Variants in RAB5C observed in about 807,000 individuals in gnomAD.
RAB5C encodes RAB5C, member RAS oncogene family.
A neutral mutation model predicts 25.2 loss-of-function variants in RAB5C; 4 were observed. The ratio of observed to expected loss-of-function variants is 0.16; its 90% CI spans 0.08 to 0.36. The LOEUF (loss-of-function observed/expected upper bound fraction) is 0.36. RAB5C is among the 10% of genes least tolerant of loss of function. The pLI is 1.00. For missense variants in RAB5C, 199 were observed against 283.8 expected, an observed-to-expected ratio of 0.70 and a Z score of 2.15; for synonymous variants, 100 against 106.4, an observed-to-expected ratio of 0.94 and a Z score of 0.37.
rs564989726 is a variant in RAB5C, at chr17:42,125,463, T to C, written c.*320A>G. The C allele has an allele frequency of 2.9e-5, 8 of 279,862 alleles. No individual in the cohort carries two copies. Among genetic ancestry groups the C allele is most frequent in the South Asian group, 1.9e-4 (4 of 21,606 alleles). The allele number at this position is 279,862 out of a possible 1,614,324, so 17.3% of individuals were successfully genotyped here. ...ACCCCACTGTCCCCATATACAAGGGTTGGGGGGCAAGAGCATGTGGCTACT... is the reference window on the plus strand; with the variant it reads ...ACCCCACTGTCCCCATATACAAGGGCTGGGGGGCAAGAGCATGTGGCTACT... On this transcript the variant is annotated 3_prime_UTR_variant, in exon 6 of 6. Transcript: ENST00000346213.
At chr17:42,134,874 G>A (rs1040065377) in intron 1 of RAB5C, among the ~76,000 whole-genome samples, 1 of 152,218 alleles carries the variant, frequency 6.6e-6, no homozygotes, top group African/African-American at 2.4e-5. Flanking sequence ...GCCAAGGATG[G>A]AAGAGAAAGA....
At chr17:42,140,108 T>G (rs978071175) in intron 1 of RAB5C, among the ~76,000 whole-genome samples, 1 of 152,142 alleles carries the variant, frequency 6.6e-6, no homozygotes, top group African/African-American at 2.4e-5. Flanking sequence ...GCTGCTTCCC[T>G]AGGCCCAGAA....
chr17:42,141,793 T>C (rs979074639), intron 1 of RAB5C, among the ~76,000 whole-genome samples: 4 of 152,156 alleles, frequency 2.6e-5, no homozygotes, highest in Non-Finnish European at 5.9e-5. Context: ...AGATGATGCA[T>C]GTGAGACTCT....
intron 3 of RAB5C, 68 bp from the exon 4 acceptor site, chr17:42,128,451 A>G (rs1196619777): frequency 1.3e-6 from 2 of 1,531,050 alleles, no homozygotes; most frequent in Non-Finnish European, 1.8e-6. Flanking sequence ...CCCATTAGAG[A>G]CTCTCAAGCT....
At chr17:42,150,635 C>G (rs2079664909) in intron 1 of RAB5C, among the ~76,000 whole-genome samples, 1 of 141,464 alleles carries the variant, frequency 7.1e-6, no homozygotes, top group South Asian at 2.3e-4. Context: ...ATGAGGCGGG[C>G]AGATCACCTC....
chr17:42,135,460 G>A (rs2054527697), intron 1 of RAB5C, among the ~76,000 whole-genome samples: 1 of 151,968 alleles, frequency 6.6e-6, no homozygotes, highest in South Asian at 2.1e-4. Context: ...CTCTAGAGGT[G>A]GAGTCCAGAA....
intron 1 of RAB5C, 86 bp from the exon 2 acceptor site, chr17:42,130,676 G>C: frequency 7.0e-7 from 1 of 1,431,196 alleles, no homozygotes; most frequent in Admixed American, 2.5e-5. Flanking sequence ...TTTCCCTCTG[G>C]CCTCACTGAA....
intron 1 of RAB5C, among the ~76,000 whole-genome samples, chr17:42,147,544 TC>T (rs1265018863): frequency 6.6e-6 from 1 of 152,222 alleles, no homozygotes; most frequent in Non-Finnish European, 1.5e-5. Context: ...GCCCTCATTG[TC>T]CCATTAAACC....
chr17:42,149,654 A>G (rs2079657577), intron 1 of RAB5C, among the ~76,000 whole-genome samples: 1 of 152,164 alleles, frequency 6.6e-6, no homozygotes, highest in Non-Finnish European at 1.5e-5. Flanking sequence ...ATTCTAATCT[A>G]TAATAGTTAC....
At chr17:42,147,162 GAGAGAGAGAA>G (rs1490384859) in intron 1 of RAB5C, among the ~76,000 whole-genome samples, 1 of 151,588 alleles carries the variant, frequency 6.6e-6, no homozygotes, top group African/African-American at 2.4e-5. Context: ...GAGAGAGAGA[GAGAGAGAGAA>G]AGAAAGAAAG....
intron 1 of RAB5C, among the ~76,000 whole-genome samples, chr17:42,152,268 C>G (rs546543722): frequency 1.3e-5 from 2 of 152,198 alleles, no homozygotes; most frequent in East Asian, 3.9e-4. Flanking sequence ...TGTCCCTCTA[C>G]AGTTTAACAG....
At chr17:42,129,175 A>G (rs1447323209) in intron 2 of RAB5C, among the ~76,000 whole-genome samples, 1 of 152,056 alleles carries the variant, frequency 6.6e-6, no homozygotes, top group Non-Finnish European at 1.5e-5. Flanking sequence ...CTCCTCCGCC[A>G]CTCAGAGAAC....
intron 1 of RAB5C, among the ~76,000 whole-genome samples, chr17:42,135,866 C>T (rs1224804839): frequency 6.6e-6 from 1 of 152,306 alleles, no homozygotes; most frequent in Non-Finnish European, 1.5e-5. Context: ...AGTCCTGGCA[C>T]AGCCTGGAGA....
intron 1 of RAB5C, among the ~76,000 whole-genome samples, chr17:42,144,648 G>A (rs970573264): frequency 6.6e-6 from 1 of 151,662 alleles, no homozygotes; most frequent in Non-Finnish European, 1.5e-5. Flanking sequence ...CCCATCTCAG[G>A]GTGGGCGTGG....
chr17:42,125,749 G>C lies in RAB5C; in HGVS notation c.*34C>G. 3 of 1,477,858 alleles carry C rather than the reference G, an allele frequency of 2.0e-6. No individual in the cohort carries two copies. In the South Asian group the frequency reaches 3.6e-5, roughly 18 times the overall value. The allele number at this position is 1,477,858 out of a possible 1,614,324, so 91.5% of individuals were successfully genotyped here. A position where few individuals can be genotyped will look rare whatever the true frequency, so the allele number is the denominator to read the frequency against. ...GGATTCCAGTCGGGTCATTCAGGCG[G>C]AGGAGGCGGGGGCAGCGGGCAGGCA... is the stretch of plus-strand genomic sequence containing the variant. On this transcript the variant is annotated 3_prime_UTR_variant, in exon 6 of 6. Coordinates refer to ENST00000346213, the MANE Select transcript of RAB5C (RefSeq NM_004583.4).
chr17:42,127,937 A>G (rs1215065553), intron 4 of RAB5C, among the ~76,000 whole-genome samples: 2 of 151,244 alleles, frequency 1.3e-5, no homozygotes, highest in African/African-American at 4.9e-5. Context: ...CTCGTGCCTC[A>G]GCCTCCTGAG....
intron 1 of RAB5C, chr17:42,131,546 C>A (rs2054486348): frequency 6.8e-7 from 1 of 1,467,190 alleles, no homozygotes; most frequent in Non-Finnish European, 9.2e-7. Context: ...GAAACACACA[C>A]CAAAGTCATA....
intron 1 of RAB5C, among the ~76,000 whole-genome samples, chr17:42,141,447 T>TA (rs2079602860): frequency 6.6e-6 from 1 of 152,184 alleles, no homozygotes; most frequent in South Asian, 2.1e-4. Flanking sequence ...TGAGCACAGA[T>TA]ACGGTGAACT....
chr17:42,128,891 A>G (rs1346165936), intron 2 of RAB5C, 91 bp from the exon 3 acceptor site: 21 of 1,187,308 alleles, frequency 1.8e-5, no homozygotes, highest in Admixed American at 3.4e-5. Flanking sequence ...GGCACTCAGA[A>G]GCCCACCACT....
Sources: gnomAD v4.1 joint callset for allele counts (sites outside exome capture counted in the v4.1 genomes callset) on GRCh38, gnomAD v4.1.1 for gene constraint, MANE v1.5 for transcripts, NCBI Gene and HGNC (gene_info 2026-07-23, HGNC 2026-07-21) for gene names.